The following PICALM variants were observed in gnomAD, a reference collection of about 807,000 sequenced individuals.
The protein encoded by PICALM is phosphatidylinositol-binding clathrin assembly protein.
In PICALM, 40 loss-of-function variants were observed where a neutral mutation model predicts 80.5. That is an observed-to-expected ratio of 0.50 (90% CI 0.39 to 0.65). PICALM has a LOEUF of 0.65. Ranked by LOEUF, PICALM falls within the 30% of genes least tolerant of loss-of-function variation. PICALM has a pLI of 0.00. For missense variants in PICALM, 676 were observed against 778.9 expected (o/e 0.87, Z 1.57); for synonymous variants, 288 against 260.3 (o/e 1.11, Z -1.02).
At chr11:86,060,703 C>A (rs1407464231) in intron 1 of PICALM, among the ~76,000 whole-genome samples, 8 of 140,878 alleles carry the variant, frequency 5.7e-5, no homozygotes, top group Non-Finnish European at 9.2e-5. Flanking sequence ...ATCTTTTCAA[C>A]AAATAGTACT....
chr11:86,020,385 G>A (rs1177674289), intron 4 of PICALM, among the ~76,000 whole-genome samples: 1 of 147,892 alleles, frequency 6.8e-6, no homozygotes, highest in Non-Finnish European at 1.5e-5. Context: ...AAATTCACAT[G>A]GGAATGCAAG....
At chr11:86,056,143 A>AAGAAAAG (rs2096266184) in intron 1 of PICALM, among the ~76,000 whole-genome samples, 1 of 143,794 alleles carries the variant, frequency 7.0e-6, no homozygotes. Flanking sequence ...TTTAAAAAAA[A>AAGAAAAG]AAAAAAAGAA....
At chr11:86,044,571 C>T (rs926832637) in intron 1 of PICALM, among the ~76,000 whole-genome samples, 1 of 49,336 alleles carries the variant, frequency 2.0e-5, no homozygotes, top group Non-Finnish European at 4.2e-5. Flanking sequence ...ATTACACGAG[C>T]CATTTATTAC....
At chr11:86,032,481 C>G (rs778732594) in intron 1 of PICALM, among the ~76,000 whole-genome samples, 27 of 151,996 alleles carry the variant, frequency 1.8e-4, no homozygotes, top group Admixed American at 5.3e-4. Flanking sequence ...AAAACATTAG[C>G]TGGGCTTGGT....
At chr11:85,992,787 C>G (rs141757398) in intron 12 of PICALM, among the ~76,000 whole-genome samples, 1 of 152,196 alleles carries the variant, frequency 6.6e-6, no homozygotes, top group Admixed American at 6.5e-5. Context: ...ACCAGTCATC[C>G]GCTGTTCTAC....
intron 3 of PICALM, among the ~76,000 whole-genome samples, chr11:86,023,860 G>T (rs2095605799): frequency 6.6e-6 from 1 of 152,130 alleles, no homozygotes; most frequent in African/African-American, 2.4e-5. Context: ...AGGTGTGGTG[G>T]CTCATGCCTG....
chr11:86,045,489 G>A (rs1240020922), intron 1 of PICALM, among the ~76,000 whole-genome samples: 1 of 124,204 alleles, frequency 8.1e-6, no homozygotes, highest in Non-Finnish European at 1.6e-5. Context: ...CTCCAGCCTA[G>A]GCAACATAGT....
chr11:86,047,266 C>T (rs2096089909), intron 1 of PICALM, among the ~76,000 whole-genome samples: 1 of 152,228 alleles, frequency 6.6e-6, no homozygotes, highest in Non-Finnish European at 1.5e-5. Flanking sequence ...TTAGTTCTCA[C>T]AAATCTAATT....
At chr11:85,991,258 A>AT (rs1300823676) in intron 12 of PICALM, among the ~76,000 whole-genome samples, 2 of 152,112 alleles carry the variant, frequency 1.3e-5, no homozygotes, top group East Asian at 1.9e-4. Context: ...AAATAGTATA[A>AT]TTTTTTCTTT....
At chr11:86,005,421 T>C (rs987537408) in intron 8 of PICALM, among the ~76,000 whole-genome samples, 10 of 152,108 alleles carry the variant, frequency 6.6e-5, no homozygotes, top group African/African-American at 2.4e-4. Flanking sequence ...GTGAGGAGGC[T>C]GGGCACAGTG....
Position 86,026,295 on chromosome 11 carries a change from G to C in PICALM, c.346C>G (p.Gln116Glu). The C allele has an allele frequency of 6.5e-7, 1 of 1,539,866 alleles. No homozygotes were observed. The highest frequency in any genetic ancestry group is 9.0e-7 in the Non-Finnish European group (1 of 1,115,500). Residue 116 changes from glutamine to glutamate, a missense_variant, in exon 3 of 20, where the codon CAA becomes GAA. Gln to Glu is a conservative substitution (Grantham distance 29). Coordinates refer to ENST00000393346, the MANE Select transcript of PICALM (RefSeq NM_007166.4). The stretch of plus-strand genomic sequence containing the variant: ...ATAATGTAAAAGTTATCTTTACCTT[G>C]CAATCCACTTTTATCCAAAAAATTG... Reference protein sequence around the residue: ...LSNFLDKSGLQGYDMSTFIRR... With the variant: ...LSNFLDKSGLEGYDMSTFIRR...
chr11:86,023,891 G>A (rs1246898684), intron 3 of PICALM, among the ~76,000 whole-genome samples: 1 of 152,146 alleles, frequency 6.6e-6, no homozygotes, highest in Non-Finnish European at 1.5e-5. Context: ...ACTTTGGGAG[G>A]CTTAGGAGGA....
intron 4 of PICALM, among the ~76,000 whole-genome samples, chr11:86,020,046 GAA>G (rs1313924784): frequency 2.0e-5 from 3 of 151,980 alleles, no homozygotes; most frequent in Admixed American, 1.3e-4. Flanking sequence ...TATATCCTAG[GAA>G]AAAAATCTGC....
At chr11:86,010,257 T>C (rs2095368380) in intron 7 of PICALM, among the ~76,000 whole-genome samples, 1 of 152,156 alleles carries the variant, frequency 6.6e-6, no homozygotes, top group South Asian at 2.1e-4. Flanking sequence ...AGATATCCTA[T>C]TACCTACATT....
intron 1 of PICALM, among the ~76,000 whole-genome samples, chr11:86,031,925 T>C (rs1282051572): frequency 1.3e-5 from 2 of 152,230 alleles, no homozygotes; most frequent in African/African-American, 4.8e-5. Context: ...AACCTTCTAT[T>C]TCCTTACTAC....
chr11:85,985,301 C>T (rs889524303), intron 13 of PICALM, among the ~76,000 whole-genome samples: 28 of 152,108 alleles, frequency 1.8e-4, no homozygotes, highest in African/African-American at 6.5e-4. Context: ...CAAGAAGGTC[C>T]TCAAAGACAG....
intron 1 of PICALM, among the ~76,000 whole-genome samples, chr11:86,039,284 T>C (rs1057128845): frequency 3.9e-5 from 6 of 152,238 alleles, no homozygotes; most frequent in South Asian, 2.1e-4. Context: ...AGTCAGCTAC[T>C]TGGAAGGCTG....
intron 14 of PICALM, among the ~76,000 whole-genome samples, chr11:85,982,942 CAGTTTGA>C (rs1422795084): frequency 1.3e-5 from 2 of 152,122 alleles, no homozygotes; most frequent in African/African-American, 4.8e-5. Context: ...AGGAATATTA[CAGTTTGA>C]AAAAGAAAGT....
chr11:86,010,279 C>A (rs1002759339), intron 7 of PICALM, among the ~76,000 whole-genome samples: 1 of 151,288 alleles, frequency 6.6e-6, no homozygotes. Context: ...ATAGTTTTCA[C>A]AATCAATGAT....
Sources: allele counts gnomAD v4.1 joint callset (sites outside exome capture counted in the v4.1 genomes callset), GRCh38; gene constraint gnomAD v4.1.1; transcripts MANE v1.5; gene names NCBI Gene and HGNC (gene_info 2026-07-23, HGNC 2026-07-21).